The following SUMF1 variants were observed in gnomAD, a reference collection of about 807,000 sequenced individuals.
The protein encoded by SUMF1 is formylglycine-generating enzyme.
In SUMF1, 48 loss-of-function variants were observed where a neutral mutation model predicts 47.6. The observed-to-expected ratio is 1.01, with a 90% CI of 0.80 to 1.28. The LOEUF (loss-of-function observed/expected upper bound fraction) is 1.28, where lower values mean the gene tolerates loss of function less well. Ranked by LOEUF, SUMF1 falls within the 50% of genes most tolerant of loss-of-function variation. SUMF1 has a pLI of 0.00. For synonymous variants in SUMF1, 230 were observed against 192.1 expected, an observed-to-expected ratio of 1.20 and a Z score of -1.63; for missense variants, 571 against 485.4, an observed-to-expected ratio of 1.18 and a Z score of -1.66.
intron 8 of SUMF1, among the ~76,000 whole-genome samples, chr3:4,106,867 T>A (rs1486408503): frequency 1.3e-5 from 2 of 152,158 alleles, no homozygotes; most frequent in Non-Finnish European, 2.9e-5. Flanking sequence ...CCACATTTAT[T>A]AGAATCCTCA....
chr3:4,325,685 T>C (rs868298601), intron 8 of SUMF1, among the ~76,000 whole-genome samples: 9 of 152,106 alleles, frequency 5.9e-5, no homozygotes, highest in South Asian at 2.1e-4. Context: ...CTAAGTGCAG[T>C]CTGGAGGGCT....
intron 8 of SUMF1, among the ~76,000 whole-genome samples, chr3:4,347,106 A>T (rs1423352529): frequency 6.6e-6 from 1 of 152,240 alleles, no homozygotes; most frequent in Non-Finnish European, 1.5e-5. Context: ...CCAGAAATAC[A>T]AAGAGGAGCT....
chr3:4,068,473 T>C (rs557878608), intron 9 of SUMF1: 165 of 182,586 alleles, frequency 9.0e-4, no homozygotes, highest in Non-Finnish European at 1.3e-3. Context: ...CAAAATATTA[T>C]TTCAACATGT....
chr3:4,207,910 G>T (rs1020772878), intron 8 of SUMF1, among the ~76,000 whole-genome samples: 1 of 152,078 alleles, frequency 6.6e-6, no homozygotes, highest in African/African-American at 2.4e-5. Flanking sequence ...GCGTGAACAC[G>T]TCTGAGAGTT....
In SUMF1 at chr3:4,133,943, C is replaced by A. The variant is rs183832441; in HGVS notation, c.1015-65198G>T. 7.2e-4 allele frequency among the ~76,000 whole-genome samples: 110 copies of A among 152,060 alleles called. 1 individual carries two copies. The highest frequency in any genetic ancestry group is 1.2e-3 in the Non-Finnish European group (81 of 67,980). The stretch of plus-strand genomic sequence containing the variant: ...GGATGGGAACACACGGGCAGACTGA[C>A]GAATCTGGGGATACTCAGCTCCTAA... On this transcript the variant is annotated intron_variant and NMD_transcript_variant, in intron 8 of 12. Coordinates refer to the SUMF1 transcript ENST00000448413.
intron 8 of SUMF1, among the ~76,000 whole-genome samples, chr3:4,076,176 A>C (rs903746989): frequency 1.3e-5 from 2 of 152,160 alleles, no homozygotes; most frequent in Non-Finnish European, 2.9e-5. Context: ...GAGGCCTCAA[A>C]AATAACACCA....
rs1702943563 is a variant in SUMF1, at chr3:4,450,804, G to A, written c.445-1464C>T. On this transcript the variant is annotated intron_variant, in intron 2 of 8. Coordinates refer to ENST00000272902, the MANE Select transcript of SUMF1 (RefSeq NM_182760.4). ...CATGCAGAAGGGGGATAAGCAAGAG[G>A]ACTGCGAATTCCAAGCAGAGAGAAA... 2.6e-5 allele frequency among the ~76,000 whole-genome samples: 4 copies of A among 152,064 alleles called. No individual in the cohort carries two copies. The South Asian group carries it at 6.2e-4, about 24-fold the overall frequency.
chr3:4,280,842 TG>T, intron 8 of SUMF1, among the ~76,000 whole-genome samples: 5 of 54,522 alleles, frequency 9.2e-5, no homozygotes, highest in East Asian at 5.1e-4. Context: ...TGTGTGTGTG[TG>T]TGTGTGTGTG....
At chr3:4,335,969 A>AAAAAAAAC (rs1420077417) in intron 8 of SUMF1, among the ~76,000 whole-genome samples, 1 of 84,178 alleles carries the variant, frequency 1.2e-5, no homozygotes, top group Non-Finnish European at 2.3e-5. Flanking sequence ...TCAAAAAAAA[A>AAAAAAAAC]AAAAAAAAAA....
intron 8 of SUMF1, among the ~76,000 whole-genome samples, chr3:4,323,394 A>T (rs1164262338): frequency 1.3e-5 from 2 of 152,212 alleles, no homozygotes; most frequent in Non-Finnish European, 1.5e-5. Context: ...AGGAAGGAGT[A>T]TAGGGATTGA....
At chr3:4,198,312 T>G (rs1695473961) in intron 8 of SUMF1, among the ~76,000 whole-genome samples, 1 of 152,048 alleles carries the variant, frequency 6.6e-6, no homozygotes, top group African/African-American at 2.4e-5. Flanking sequence ...TGTCTAAGTG[T>G]GTGACACCAG....
intron 8 of SUMF1, among the ~76,000 whole-genome samples, chr3:4,224,867 G>T (rs1696139956): frequency 1.3e-5 from 2 of 152,216 alleles, no homozygotes; most frequent in African/African-American, 4.8e-5. Context: ...GTTGTGTCCT[G>T]ATTCTCAAGT....
intron 8 of SUMF1, among the ~76,000 whole-genome samples, chr3:4,125,842 A>G (rs1174262035): frequency 6.6e-6 from 1 of 151,938 alleles, no homozygotes; most frequent in African/African-American, 2.4e-5. Flanking sequence ...ACATGTGGCT[A>G]GTTTTTGTAT....
intron 7 of SUMF1, among the ~76,000 whole-genome samples, chr3:4,384,192 A>T (rs1302433289): frequency 6.6e-6 from 1 of 152,226 alleles, no homozygotes; most frequent in African/African-American, 2.4e-5. Context: ...AGTATGGCAG[A>T]TCTGCTAGCA....
At chr3:4,402,634 T>C (rs1399327920) in intron 7 of SUMF1, among the ~76,000 whole-genome samples, 1 of 152,102 alleles carries the variant, frequency 6.6e-6, no homozygotes, top group African/African-American at 2.4e-5. Flanking sequence ...CCAAATCTGT[T>C]GGTGATAATA....
At chr3:4,367,727 C>T (rs1198865881) in intron 8 of SUMF1, among the ~76,000 whole-genome samples, 2 of 152,144 alleles carry the variant, frequency 1.3e-5, no homozygotes, top group Non-Finnish European at 2.9e-5. Flanking sequence ...CAAAAACAAG[C>T]AATGGGGAAA....
intron 8 of SUMF1, among the ~76,000 whole-genome samples, chr3:4,124,957 C>G (rs1353306153): frequency 6.6e-6 from 1 of 152,034 alleles, no homozygotes; most frequent in Non-Finnish European, 1.5e-5. Flanking sequence ...CATTTCAGCC[C>G]CTATTCATCT....
intron 8 of SUMF1, among the ~76,000 whole-genome samples, chr3:4,309,595 G>A (rs1698323914): frequency 1.3e-5 from 2 of 152,132 alleles, no homozygotes; most frequent in Non-Finnish European, 2.9e-5. Flanking sequence ...AATTCTAAAA[G>A]TATTGTCAGA....
intron 8 of SUMF1, among the ~76,000 whole-genome samples, chr3:4,169,597 G>A (rs1159225667): frequency 1.3e-5 from 2 of 152,114 alleles, no homozygotes; most frequent in East Asian, 1.9e-4. Context: ...ACTATGGGGT[G>A]AATCTCTTTT....
Sources: allele counts gnomAD v4.1 joint callset (sites outside exome capture counted in the v4.1 genomes callset), GRCh38; gene constraint gnomAD v4.1.1; transcripts MANE v1.5; gene names NCBI Gene and HGNC (gene_info 2026-07-23, HGNC 2026-07-21).